Variants in TTC23 observed in about 807,000 individuals in gnomAD.
The protein encoded by TTC23 is tetratricopeptide repeat domain 23.
In TTC23, 58 loss-of-function variants were observed where a neutral mutation model predicts 55.1. The ratio of observed to expected loss-of-function variants is 1.05; its 90% CI spans 0.85 to 1.31. The LOEUF (loss-of-function observed/expected upper bound fraction) is 1.31. Ranked by LOEUF, TTC23 falls within the 50% of genes most tolerant of loss-of-function variation. The pLI is 0.00. For synonymous variants in TTC23, 203 were observed against 199.9 expected (o/e 1.02, Z -0.13); for missense variants, 516 against 534.4 (o/e 0.97, Z 0.34).
chr15:99,226,330 A>G (rs2078410636), intron 5 of TTC23, among the ~76,000 whole-genome samples: 1 of 152,208 alleles, frequency 6.6e-6, no homozygotes, highest in Non-Finnish European at 1.5e-5. Context: ...GGGAATAAAC[A>G]CTGAAGAATT....
Position 99,215,355 on chromosome 15 carries a change from C to A in TTC23, c.581+3233G>T, listed in dbSNP as rs2077392163. ...GTGCTGGCACGCTCAAAGGTCCTTG[C>A]ATTGTTCAGGAAGTGGTTAAATGAT... On this transcript the variant is annotated intron_variant, in intron 8 of 13. Coordinates refer to ENST00000394132, the MANE Select transcript of TTC23 (RefSeq NM_001288615.3). Among the ~76,000 whole-genome samples, 3 of 152,180 alleles carry A rather than the reference C, an allele frequency of 2.0e-5. No individual in the cohort carries two copies. The South Asian group carries it at 6.2e-4, about 32-fold the overall frequency.
At chr15:99,250,673 C>T (rs1212001538), upstream of TTC23, among the ~76,000 whole-genome samples, 2 of 152,138 alleles carry the variant, frequency 1.3e-5, no homozygotes, top group Admixed American at 6.5e-5. Flanking sequence ...TAATAATTTT[C>T]GTCTTGAAGA....
At chr15:99,215,108 G>A (rs1426592803) in intron 8 of TTC23, among the ~76,000 whole-genome samples, 13 of 149,944 alleles carry the variant, frequency 8.7e-5, no homozygotes, top group African/African-American at 3.2e-4. Context: ...CACCCGCCTC[G>A]GCCTCCCAAA....
At chr15:99,245,943 C>T (rs1164121375) in intron 1 of TTC23, among the ~76,000 whole-genome samples, 1 of 151,916 alleles carries the variant, frequency 6.6e-6, no homozygotes, top group Non-Finnish European at 1.5e-5. Context: ...CTCAGCCTCC[C>T]AAGCAGCTGG....
chr15:99,222,140 G>C (rs1222001512), intron 5 of TTC23, among the ~76,000 whole-genome samples: 1 of 152,174 alleles, frequency 6.6e-6, no homozygotes, highest in East Asian at 1.9e-4. Context: ...TTAAAAAATA[G>C]AAAAAGTAGA....
intron 12 of TTC23, among the ~76,000 whole-genome samples, chr15:99,154,431 G>A (rs1411292828): frequency 6.6e-6 from 1 of 152,144 alleles, no homozygotes; most frequent in Non-Finnish European, 1.5e-5. Context: ...TGAGGACTCT[G>A]CCCTCATGCA....
chr15:99,181,210 G>A (rs190920278), intron 9 of TTC23, among the ~76,000 whole-genome samples: 4 of 152,226 alleles, frequency 2.6e-5, no homozygotes, highest in African/African-American at 9.6e-5. Context: ...TTATTGAGAG[G>A]GTAGAAGTTA....
At chr15:99,240,789 G>A (rs2079717028) in intron 3 of TTC23, among the ~76,000 whole-genome samples, 1 of 152,276 alleles carries the variant, frequency 6.6e-6, no homozygotes, top group Non-Finnish European at 1.5e-5. Flanking sequence ...CTAATCTAAA[G>A]CACCACTGAC....
At chr15:99,182,828 T>TA (rs35493362) in intron 9 of TTC23, among the ~76,000 whole-genome samples, 60,727 of 148,892 alleles carry the variant, frequency 0.41, 12,392 homozygotes, top group Middle Eastern at 0.56. Flanking sequence ...AGTTATTACT[T>TA]AAAAAAAAAA....
At chr15:99,246,993 A>C (rs1209885224) in intron 1 of TTC23, among the ~76,000 whole-genome samples, 1 of 152,200 alleles carries the variant, frequency 6.6e-6, no homozygotes, top group African/African-American at 2.4e-5. Flanking sequence ...AACTCAATTA[A>C]AAAAATAGGC....
chr15:99,236,770 C>T (rs931215077), intron 3 of TTC23, among the ~76,000 whole-genome samples: 5 of 152,146 alleles, frequency 3.3e-5, no homozygotes, highest in African/African-American at 7.2e-5. Context: ...ACCTTAACCC[C>T]GTATCAGATA....
chr15:99,161,508 T>A (rs2071375362), intron 11 of TTC23, among the ~76,000 whole-genome samples: 1 of 152,172 alleles, frequency 6.6e-6, no homozygotes, highest in African/African-American at 2.4e-5. Context: ...TTCTTTAGGA[T>A]CTTTTGTAGG....
intron 5 of TTC23, among the ~76,000 whole-genome samples, chr15:99,223,278 C>T (rs369267636): frequency 6.6e-6 from 1 of 152,140 alleles, no homozygotes; most frequent in South Asian, 2.1e-4. Flanking sequence ...AGTCCCAATC[C>T]CCAGCACCTT....
Position 99,228,731 on chromosome 15 carries a change from T to C in TTC23, c.-19A>G. 1 of 1,542,928 alleles carries C rather than the reference T, an allele frequency of 6.5e-7. No individual in the cohort carries two copies. Among genetic ancestry groups the C allele is most frequent in the African/African-American group, 1.4e-5 (1 of 72,110 alleles). ...CTTGCATATTTTTATATACATTGTC[T>C]TCTAATTTTAAAATAAAAAACAAAG... On this transcript the variant is annotated splice_region_variant and 5_prime_UTR_variant, in exon 5 of 14. Transcript: ENST00000394132.
chr15:99,187,241 C>T (rs528711657), intron 9 of TTC23, among the ~76,000 whole-genome samples: 3 of 151,666 alleles, frequency 2.0e-5, no homozygotes, highest in African/African-American at 7.2e-5. Flanking sequence ...AGTGCTAGGA[C>T]AATTGGATAG....
intron 9 of TTC23, among the ~76,000 whole-genome samples, chr15:99,192,565 T>C (rs1309327988): frequency 6.6e-6 from 1 of 152,164 alleles, no homozygotes; most frequent in Non-Finnish European, 1.5e-5. Context: ...GAATTGAAGT[T>C]TGGGAACCTC....
intron 9 of TTC23, among the ~76,000 whole-genome samples, chr15:99,192,354 G>A (rs2075314443): frequency 6.6e-6 from 1 of 152,196 alleles, no homozygotes; most frequent in South Asian, 2.1e-4. Context: ...TGGAGGCTTA[G>A]GAGGAAAAAG....
rs1281239110 is a variant in TTC23 at position 99,203,995 on chromosome 15, T to TG, written c.582-3900dup. 7.2e-5 allele frequency among the ~76,000 whole-genome samples: 11 copies of TG among 152,212 alleles called. No homozygotes were observed. The East Asian group carries it at 1.7e-3, about 24-fold the overall frequency. On this transcript the variant is annotated intron_variant, in intron 8 of 13. Coordinates refer to ENST00000394132, the MANE Select transcript of TTC23 (RefSeq NM_001288615.3). ...TCTTTTGATATACTGATTTCCTTTT[T>TG]GGGGGGTATATACTGAGTAATGAGA... is the stretch of plus-strand genomic sequence containing the variant.
intron 12 of TTC23, among the ~76,000 whole-genome samples, chr15:99,153,739 C>G (rs2070160271): frequency 6.6e-6 from 1 of 151,748 alleles, no homozygotes. Context: ...AAATAAGGTA[C>G]AAGGACAGAA....
Sources: allele counts gnomAD v4.1 joint callset (sites outside exome capture counted in the v4.1 genomes callset), GRCh38; gene constraint gnomAD v4.1.1; transcripts MANE v1.5; gene names NCBI Gene and HGNC (gene_info 2026-07-23, HGNC 2026-07-21).